The following ATP9A variants were observed in gnomAD, a reference collection of about 807,000 sequenced individuals.
ATP9A encodes the protein probable phospholipid-transporting ATPase IIA.
Under a neutral mutation model 144.1 loss-of-function variants are expected in ATP9A, and 52 were observed. The ratio of observed to expected loss-of-function variants is 0.36; its 90% CI spans 0.29 to 0.45. The LOEUF is 0.45. Among genes scored for constraint, ATP9A ranks in the 20% least tolerant of loss-of-function variants. ATP9A has a pLI of 1.00. For missense variants in ATP9A, 947 were observed against 1,392.7 expected, an observed-to-expected ratio of 0.68 and a Z score of 5.09; for synonymous variants, 582 against 557.4, an observed-to-expected ratio of 1.04 and a Z score of -0.62.
intron 1 of ATP9A, among the ~76,000 whole-genome samples, chr20:51,765,311 T>C (rs1321162606): frequency 2.0e-5 from 3 of 152,106 alleles, no homozygotes; most frequent in African/African-American, 7.2e-5. Flanking sequence ...TTTACGCAAA[T>C]GCACAGCAAC....
chr20:51,704,597 A>G (rs1046524605), intron 4 of ATP9A, among the ~76,000 whole-genome samples: 7 of 152,088 alleles, frequency 4.6e-5, no homozygotes, highest in African/African-American at 1.7e-4. Context: ...CCTGACTGAC[A>G]TGGAGAAACA....
rs1286653160 is a variant in ATP9A, at chr20:51,712,869, C to G, written c.436+97G>C. ...AGCGACTGTTCCGCCACGTGGCATT[C>G]CCACACCTGCGGCCCGGGCCTTGAA... On this transcript the variant is annotated intron_variant, in intron 4 of 27. Coordinates refer to ENST00000338821, the MANE Select transcript of ATP9A (RefSeq NM_006045.3). The G allele has an allele frequency of 3.7e-6, 4 of 1,093,888 alleles. No individual in the cohort carries two copies. The South Asian group carries it at 5.4e-5, about 15-fold the overall frequency. The allele number at this position is 1,093,888 out of a possible 1,614,324, so 67.8% of individuals were successfully genotyped here.
At chr20:51,653,422 G>T (rs1031588404) in intron 14 of ATP9A, among the ~76,000 whole-genome samples, 1 of 152,126 alleles carries the variant, frequency 6.6e-6, no homozygotes, top group Admixed American at 6.5e-5. Flanking sequence ...AGCCTCCAGA[G>T]ATGCCAACAG....
intron 13 of ATP9A, among the ~76,000 whole-genome samples, chr20:51,664,294 A>G (rs1430832489): frequency 6.6e-6 from 1 of 152,140 alleles, no homozygotes; most frequent in Non-Finnish European, 1.5e-5. Flanking sequence ...TATGATAAAA[A>G]TGAAAAACAG....
At chr20:51,699,673 C>T (rs191842033) in intron 4 of ATP9A, among the ~76,000 whole-genome samples, 8 of 152,006 alleles carry the variant, frequency 5.3e-5, no homozygotes, top group East Asian at 1.9e-4. Flanking sequence ...GACGGAGTCT[C>T]GCTCTGTCAC....
At chr20:51,638,089 A>C (rs1386407207) in intron 15 of ATP9A, among the ~76,000 whole-genome samples, 1 of 41,296 alleles carries the variant, frequency 2.4e-5, no homozygotes, top group Non-Finnish European at 4.8e-5. Context: ...ATATATATAT[A>C]TATATATATA....
At position 51,619,032 on chromosome 20, in the gene ATP9A, G is replaced by A. The variant is rs562179954; in HGVS notation, c.2127C>T (p.Arg709=). Reference sequence around the variant, plus strand: ...CGTTCAGCTCGAGGTGAGCCTCCCCGCGGTTGGTCACCTGGAAGGGAACAG... The same window carrying A: ...CGTTCAGCTCGAGGTGAGCCTCCCCACGGTTGGTCACCTGGAAGGGAACAG... The part of the protein sequence containing the change: ...DIHVFRLVTN[R]GEAHLELNAF... The change falls in exon 20 of 28, where the codon CGC becomes CGT. Residue 709 remains arginine, a synonymous_variant. Transcript: ENST00000338821. The A allele has an allele frequency of 2.0e-5, 33 of 1,614,050 alleles. No individual in the cohort carries two copies. The highest frequency in any genetic ancestry group is 1.1e-4 in the South Asian group (10 of 91,074).
intron 14 of ATP9A, among the ~76,000 whole-genome samples, chr20:51,656,712 A>G (rs952959023): frequency 6.6e-6 from 1 of 152,160 alleles, no homozygotes; most frequent in Non-Finnish European, 1.5e-5. Context: ...GAGTTACAAA[A>G]CAAAATCTCT....
chr20:51,714,023 C>T (rs890010525), intron 3 of ATP9A, among the ~76,000 whole-genome samples: 17 of 152,008 alleles, frequency 1.1e-4, no homozygotes, highest in African/African-American at 4.1e-4. Context: ...TCTCCTGTCT[C>T]AGCCTCTCGA....
intron 14 of ATP9A, among the ~76,000 whole-genome samples, chr20:51,640,610 TCTTCC>T (rs1443178607): frequency 6.6e-6 from 1 of 152,204 alleles, no homozygotes; most frequent in Non-Finnish European, 1.5e-5. Context: ...CAGCACACAC[TCTTCC>T]CTTCCAAGAG....
At chr20:51,662,596 T>A (rs1204847193) in intron 13 of ATP9A, among the ~76,000 whole-genome samples, 1 of 149,708 alleles carries the variant, frequency 6.7e-6, no homozygotes, top group African/African-American at 2.5e-5. Context: ...CTTTATTTAT[T>A]TTTTTTTTGG....
intron 13 of ATP9A, among the ~76,000 whole-genome samples, chr20:51,661,753 A>G (rs979048137): frequency 1.3e-5 from 2 of 151,246 alleles, no homozygotes; most frequent in East Asian, 2.0e-4. Context: ...AGAGCTGATG[A>G]CTCACTCACC....
At chr20:51,756,954 G>T (rs2077859107) in intron 1 of ATP9A, among the ~76,000 whole-genome samples, 1 of 152,030 alleles carries the variant, frequency 6.6e-6, no homozygotes, top group South Asian at 2.1e-4. Flanking sequence ...CACCTTAAAA[G>T]GACTATGGCC....
At chr20:51,726,521 G>A (rs1018410243) in intron 2 of ATP9A, among the ~76,000 whole-genome samples, 1 of 152,004 alleles carries the variant, frequency 6.6e-6, no homozygotes, top group Non-Finnish European at 1.5e-5. Context: ...CTGGGGAAGG[G>A]GTAAAATCTA....
At chr20:51,701,073 T>C (rs1042495912) in intron 4 of ATP9A, among the ~76,000 whole-genome samples, 1 of 152,052 alleles carries the variant, frequency 6.6e-6, no homozygotes, top group Non-Finnish European at 1.5e-5. Context: ...TTGCCCCAAC[T>C]TTCCCAAACA....
intron 9 of ATP9A, among the ~76,000 whole-genome samples, chr20:51,681,267 CT>C (rs1224022031): frequency 2.0e-5 from 3 of 152,156 alleles, no homozygotes; most frequent in African/African-American, 7.2e-5. Context: ...ATTAGTATTG[CT>C]CATCTCTGAG....
chr20:51,735,081 C>T, intron 1 of ATP9A: 1 of 183,286 alleles, frequency 5.5e-6, no homozygotes, highest in Non-Finnish European at 1.2e-5. Context: ...TCTCCATCTG[C>T]AAACATGAGG....
At chr20:51,676,598 C>A (rs995560446) in intron 9 of ATP9A, among the ~76,000 whole-genome samples, 1 of 152,188 alleles carries the variant, frequency 6.6e-6, no homozygotes, top group Admixed American at 6.5e-5. Context: ...CCTGCCTCAG[C>A]CTCCGGAGTA....
chr20:51,724,181 T>A (rs1601128402), intron 3 of ATP9A, among the ~76,000 whole-genome samples: 1 of 151,778 alleles, frequency 6.6e-6, no homozygotes, highest in East Asian at 1.9e-4. Flanking sequence ...CAAAAATAAA[T>A]AAATAAAAAT....
Sources: allele counts gnomAD v4.1 joint callset (sites outside exome capture counted in the v4.1 genomes callset), GRCh38; gene constraint gnomAD v4.1.1; transcripts MANE v1.5; gene names NCBI Gene and HGNC (gene_info 2026-07-23, HGNC 2026-07-21).